Variants in ROR1 observed in about 807,000 individuals in gnomAD.
ROR1 encodes the protein inactive tyrosine-protein kinase transmembrane receptor ROR1.
A neutral mutation model predicts 78.8 loss-of-function variants in ROR1; 19 were observed. The observed-to-expected ratio is 0.24, with a 90% CI of 0.17 to 0.35. The LOEUF is 0.35. Ranked by LOEUF, ROR1 falls within the 10% of genes least tolerant of loss-of-function variation. The pLI, the probability that ROR1 is intolerant of heterozygous loss-of-function variation, is 1.00. For synonymous variants in ROR1, 386 were observed against 433.6 expected (o/e 0.89, Z 1.36); for missense variants, 917 against 1,177.8 (o/e 0.78, Z 3.24).
At chr1:64,098,089 A>G (rs927684018) in intron 4 of ROR1, among the ~76,000 whole-genome samples, 1 of 152,160 alleles carries the variant, frequency 6.6e-6, no homozygotes, top group East Asian at 1.9e-4. Context: ...GCCACTCGAC[A>G]GGAACTTCAG....
intron 1 of ROR1, among the ~76,000 whole-genome samples, chr1:63,997,529 C>T (rs1258140366): frequency 2.0e-5 from 3 of 152,162 alleles, no homozygotes; most frequent in Admixed American, 2.0e-4. Flanking sequence ...TTTTAATTGG[C>T]TAACTCCCTT....
intron 4 of ROR1, chr1:64,106,553 G>A (rs907306809): frequency 6.6e-6 from 1 of 152,182 alleles, no homozygotes; most frequent in Admixed American, 6.5e-5. Context: ...CAAAGGGAAT[G>A]CTTCCAGCTT....
At chr1:63,782,991 A>G (rs958395909) in intron 1 of ROR1, among the ~76,000 whole-genome samples, 4 of 152,026 alleles carry the variant, frequency 2.6e-5, no homozygotes, top group African/African-American at 4.8e-5. Flanking sequence ...AGGATGGGAG[A>G]TGGGAAGAGG....
chr1:63,942,416 A>G (rs144126618), intron 1 of ROR1, among the ~76,000 whole-genome samples: 1 of 151,964 alleles, frequency 6.6e-6, no homozygotes, highest in East Asian at 1.9e-4. Context: ...TTTAGTGTCT[A>G]TTATGATTTT....
At chr1:63,833,990 C>CT (rs71056008) in intron 1 of ROR1, among the ~76,000 whole-genome samples, 5,551 of 131,970 alleles carry the variant, frequency 0.042, 143 homozygotes, top group East Asian at 0.18. Flanking sequence ...TCTTCTTCTT[C>CT]TTTTTTTTTT....
chr1:63,825,028 A>G (rs1187723431), intron 1 of ROR1, among the ~76,000 whole-genome samples: 1 of 152,182 alleles, frequency 6.6e-6, no homozygotes, highest in Non-Finnish European at 1.5e-5. Flanking sequence ...ACAACTAACA[A>G]TACCAAGCAT....
At chr1:63,963,489 A>G (rs1646049138) in intron 1 of ROR1, among the ~76,000 whole-genome samples, 6 of 151,982 alleles carry the variant, frequency 3.9e-5, no homozygotes, top group Admixed American at 6.6e-5. Context: ...GAATCGCTTG[A>G]ACCTGGGAGG....
At position 63,787,438 on chromosome 1, in the gene ROR1, TTTCCTTCC is replaced by T. The variant is rs72297365; in HGVS notation, c.91+12968_91+12975del. Among the ~76,000 whole-genome samples, 1,222 of 127,800 alleles carry T rather than the reference TTTCCTTCC, an allele frequency of 9.6e-3. 11 individuals are homozygous for T. Among genetic ancestry groups the T allele is most frequent in the Admixed American group, 0.017 (212 of 12,452 alleles). 83.8% of individuals were successfully genotyped at this position (127,800 alleles called of 152,430 possible). Reference sequence around the variant, plus strand: ...TCTCCCTGTAGAACTATTGCCTTTCTTTCCTTCCTTCCTTCCTTCCTTCCTTCCTTCCT... The same window carrying T: ...TCTCCCTGTAGAACTATTGCCTTTCTTTCCTTCCTTCCTTCCTTCCTTCCT... On this transcript the variant is annotated intron_variant, in intron 1 of 8. Transcript: ENST00000371079.
intron 1 of ROR1, among the ~76,000 whole-genome samples, chr1:63,910,018 G>C (rs997422683): frequency 8.5e-5 from 13 of 152,178 alleles, no homozygotes; most frequent in Non-Finnish European, 1.0e-4. Context: ...CTCTTGTGCT[G>C]ATTAACATTC....
rs149206799 is a variant in ROR1, at chr1:64,064,599, G to A, written c.482+13883G>A. ...TTGATTTCCATGCCACTAGAAAGCC[G>A]AGCCTGCAGACAGCCTTGAAGAAAC... On this transcript the variant is annotated intron_variant, in intron 4 of 8. Coordinates refer to ENST00000371079, the MANE Select transcript of ROR1 (RefSeq NM_005012.4). 5.9e-3 allele frequency among the ~76,000 whole-genome samples: 900 copies of A among 152,320 alleles called. 5 individuals are homozygous for A. Among genetic ancestry groups the A allele is most frequent in the Non-Finnish European group, 9.4e-3 (638 of 68,026 alleles).
intron 1 of ROR1, among the ~76,000 whole-genome samples, chr1:63,941,310 G>A (rs1220762460): frequency 1.3e-5 from 2 of 152,152 alleles, no homozygotes; most frequent in Non-Finnish European, 2.9e-5. Context: ...TTATTCATCT[G>A]TAGTTCAGAA....
rs116147277 is a variant in ROR1 at position 64,154,107 on chromosome 1, A to G, written c.1175-4874A>G. Among the ~76,000 whole-genome samples the G allele has an allele frequency of 2.8e-3, 426 of 152,332 alleles. 4 individuals carry two copies. The highest frequency in any genetic ancestry group is 9.9e-3 in the African/African-American group (411 of 41,564). Reference sequence around the variant, plus strand: ...CTTTTCTGCAGGGAAAATTTTAATCAATGTATATGGCCTATTCAGCATTTT... The same window carrying G: ...CTTTTCTGCAGGGAAAATTTTAATCGATGTATATGGCCTATTCAGCATTTT... On this transcript the variant is annotated intron_variant, in intron 7 of 8. Coordinates refer to ENST00000371079, the MANE Select transcript of ROR1 (RefSeq NM_005012.4).
chr1:63,975,424 A>G (rs952232546), intron 1 of ROR1, among the ~76,000 whole-genome samples: 3 of 152,160 alleles, frequency 2.0e-5, no homozygotes, highest in Middle Eastern at 3.4e-3. Context: ...GATTTTTTTT[A>G]TATGGGAGCT....
chr1:63,781,794 T>G (rs1377514171), intron 1 of ROR1, among the ~76,000 whole-genome samples: 2 of 152,222 alleles, frequency 1.3e-5, no homozygotes, highest in African/African-American at 4.8e-5. Context: ...CTAAAACCCA[T>G]GTACTCTTGC....
intron 5 of ROR1, among the ~76,000 whole-genome samples, chr1:64,138,332 A>G (rs1213456360): frequency 6.6e-6 from 1 of 152,180 alleles, no homozygotes; most frequent in Non-Finnish European, 1.5e-5. Flanking sequence ...ACAACGAATA[A>G]TTTTTTAGTA....
At position 64,049,860 on chromosome 1, in the gene ROR1, C is replaced by T. The variant is rs775236318; in HGVS notation, c.333C>T (p.Ile111=). Residue 111 remains isoleucine (I), a synonymous_variant, in exon 3 of 9, where the codon ATC becomes ATT. Transcript: ENST00000371079. ...GGAGGCTCTCCTTTCGGTCCACCAT[C>T]TATGGCTCTCGGCTGCGGATTAGAA... ...EPRRLSFRST[I]YGSRLRIRNL... 10 of 1,614,124 alleles carry T rather than the reference C, an allele frequency of 6.2e-6. No individual in the cohort carries two copies. In the Admixed American group the frequency reaches 1.7e-4, roughly 27 times the overall value.
intron 4 of ROR1, among the ~76,000 whole-genome samples, chr1:64,093,815 C>T (rs182347395): frequency 4.1e-4 from 63 of 152,272 alleles, no homozygotes; most frequent in African/African-American, 1.5e-3. Context: ...ATTTATTATG[C>T]CACTTCACCT....
At chr1:64,170,409 G>C (rs1223741869) in intron 8 of ROR1, among the ~76,000 whole-genome samples, 1 of 152,170 alleles carries the variant, frequency 6.6e-6, no homozygotes, top group East Asian at 1.9e-4. Context: ...CATAGCTGGA[G>C]TGGCTGGGAC....
chr1:63,911,560 A>T (rs1645570091), intron 1 of ROR1, among the ~76,000 whole-genome samples: 1 of 152,128 alleles, frequency 6.6e-6, no homozygotes, highest in South Asian at 2.1e-4. Context: ...TCTGAGATGG[A>T]ATAGATCCCG....
Sources: gnomAD v4.1 joint callset for allele counts (sites outside exome capture counted in the v4.1 genomes callset) on GRCh38, gnomAD v4.1.1 for gene constraint, MANE v1.5 for transcripts, NCBI Gene and HGNC (gene_info 2026-07-23, HGNC 2026-07-21) for gene names.